TP53I13: variants seen among roughly 807,000 people sequenced by gnomAD.
TP53I13 encodes the protein tumor protein p53 inducible protein 13.
TP53I13 carries 27 observed loss-of-function variants against 39.1 expected under a neutral mutation model. That is an observed-to-expected ratio of 0.69 (90% CI 0.51 to 0.95). The LOEUF is 0.95. TP53I13 is among the 40% of genes least tolerant of loss of function. The pLI, the probability that TP53I13 is intolerant of heterozygous loss-of-function variation, is 0.00. For missense variants in TP53I13, 544 were observed against 520.4 expected (o/e 1.05, Z -0.44); for synonymous variants, 230 against 224.6 (o/e 1.02, Z -0.22).
At position 29,572,891 on chromosome 17, in the gene TP53I13, G is replaced by T; in HGVS notation, c.1149G>T (p.Pro383=). ...GGAGACCCCTCCTCCCGCCCACGCC[G>T]GACAGCGGCCCGGAAGGCGAGAGCT... is the stretch of plus-strand genomic sequence containing the variant. The part of the protein sequence containing the change: ...SRRRPLLPPT[P]DSGPEGESSE Residue 383 remains proline, a synonymous_variant, in exon 7 of 7, where the codon CCG becomes CCT. Coordinates refer to ENST00000301057, the MANE Select transcript of TP53I13 (RefSeq NM_138349.4). The T allele has an allele frequency of 1.3e-6, 2 of 1,513,082 alleles. No homozygotes were observed. Among genetic ancestry groups the T allele is most frequent in the East Asian group, 2.6e-5 (1 of 38,656 alleles). 93.7% of individuals were successfully genotyped at this position (1,513,082 alleles called of 1,614,324 possible). A position where few individuals can be genotyped will look rare whatever the true frequency, so the allele number is the denominator to read the frequency against.
the TP53I13 span, among the ~76,000 whole-genome samples, chr17:29,580,025 G>A: frequency 1.3e-5 from 2 of 152,164 alleles, no homozygotes; most frequent in Non-Finnish European, 2.9e-5. Context: ...GCTCCAGCCC[G>A]GGGGCTGCCT....
At chr17:29,581,608 G>A in the TP53I13 span, 1 of 734,144 alleles carries the variant, frequency 1.4e-6, no homozygotes, top group East Asian at 2.7e-5. The surrounding 1 kb of genome is among the most constrained non-coding windows in gnomAD (Gnocchi z 4.8). Flanking sequence ...TAATTTCACA[G>A]GAGCCAGTTG....
intron 3 of TP53I13, chr17:29,570,541 C>T (rs1336237816): frequency 6.6e-6 from 1 of 152,024 alleles, no homozygotes. Context: ...AGCTCCAGGC[C>T]AAGAGTTGTT....
upstream of TP53I13, chr17:29,566,545 A>G (rs868133076): frequency 1.9e-6 from 3 of 1,609,818 alleles, no homozygotes; most frequent in Admixed American, 5.0e-5. Flanking sequence ...ACAAGGTCCT[A>G]CCACCCAGTC....
Position 29,568,736 on chromosome 17 carries a change from G to T in TP53I13, c.-23G>T. ...TCGCTGGCGGAGCGGCTGGGCGGCG[G>T]GCCGGGCCCGGGGCCGCTTGGAATG... On this transcript the variant is annotated 5_prime_UTR_variant, in exon 1 of 7. Transcript: ENST00000301057. This position sits in a 1 kb window ranked among gnomAD's most constrained non-coding sequence, Gnocchi z 4.5. 1.3e-6 allele frequency: 2 copies of T among 1,496,952 alleles called. No individual in the cohort carries two copies. Among genetic ancestry groups the T allele is most frequent in the Non-Finnish European group, 1.8e-6 (2 of 1,131,464 alleles). The allele number at this position is 1,496,952 out of a possible 1,614,324, so 92.7% of individuals were successfully genotyped here.
chr17:29,574,469 A>C, downstream of TP53I13: 1 of 590,638 alleles, frequency 1.7e-6, no homozygotes, highest in Non-Finnish European at 3.0e-6. Context: ...GAGATGCTAT[A>C]TACAGAGGGG....
Position 29,568,715 on chromosome 17 carries a change from T to TGGCGGAGCGGCTGGGC in TP53I13, c.-38_-23dup. On this transcript the variant is annotated 5_prime_UTR_variant, in exon 1 of 7. Transcript: ENST00000301057. This position sits in a 1 kb window ranked among gnomAD's most constrained non-coding sequence, Gnocchi z 4.5. The stretch of plus-strand genomic sequence containing the variant: ...GGGCGGGGCGCGCGCGCTCCCTCGC[T>TGGCGGAGCGGCTGGGC]GGCGGAGCGGCTGGGCGGCGGGCCG... 7.5e-7 allele frequency: 1 copy of TGGCGGAGCGGCTGGGC among 1,332,608 alleles called. No individual in the cohort carries two copies. The highest frequency in any genetic ancestry group is 9.6e-7 in the Non-Finnish European group (1 of 1,040,234). 82.5% of individuals were successfully genotyped at this position (1,332,608 alleles called of 1,614,324 possible).
rs746266656 is a variant in TP53I13 at position 29,572,855 on chromosome 17, GCGCTCGCGCCGGAGACCCCTCCTCC to G, written c.1117_1141del (p.Ser373ProfsTer85). 4 of 1,523,744 alleles carry G rather than the reference GCGCTCGCGCCGGAGACCCCTCCTCC, an allele frequency of 2.6e-6. No individual in the cohort carries two copies. In the East Asian group the frequency reaches 1.0e-4, roughly 39 times the overall value. The allele number at this position is 1,523,744 out of a possible 1,614,324, so 94.4% of individuals were successfully genotyped here. ...TGCTGCAGCCCTCGCGCCGGGTCAA[GCGCTCGCGCCGGAGACCCCTCCTCC>G]CGCCCACGCCGGACAGCGGCCCGGA... On this transcript the variant is annotated frameshift_variant, in exon 7 of 7. Transcript: ENST00000301057. LOFTEE classifies it high-confidence loss of function.
chr17:29,579,029 AGGC>A, the TP53I13 span: 1 of 1,603,482 alleles, frequency 6.2e-7, no homozygotes, highest in South Asian at 1.1e-5. Flanking sequence ...AACAGGACAG[AGGC>A]GGCAGTTACC....
chr17:29,577,839 G>A (rs993476865), downstream of TP53I13: 19 of 753,606 alleles, frequency 2.5e-5, no homozygotes, highest in Admixed American at 1.2e-4. Flanking sequence ...CTGCCCCCAC[G>A]CCTACTGAGC....
At chr17:29,580,785 T>C in the TP53I13 span, among the ~76,000 whole-genome samples, 15 of 151,874 alleles carry the variant, frequency 9.9e-5, no homozygotes, top group African/African-American at 2.7e-4. Flanking sequence ...TCTTTTTTTT[T>C]TTTTTGAGAC....
At chr17:29,569,415 C>T in intron 3 of TP53I13, 56 bp downstream of exon 3, 7 of 1,561,884 alleles carry the variant, frequency 4.5e-6, no homozygotes, top group Admixed American at 1.8e-5. Context: ...GACAGGCGCT[C>T]CTAGCAGGCT....
the TP53I13 span, chr17:29,578,916 G>A: frequency 3.2e-5 from 52 of 1,603,012 alleles, no homozygotes; most frequent in South Asian, 4.4e-5. Context: ...ATGCCTCCCC[G>A]CCCTACCCCA....
upstream of TP53I13, chr17:29,567,101 C>G (rs1403003959): frequency 9.4e-5 from 68 of 721,644 alleles, no homozygotes; most frequent in Admixed American, 3.1e-3. The surrounding 1 kb of genome is among the most constrained non-coding windows in gnomAD (Gnocchi z 6.6). Context: ...CTGGATTGGC[C>G]GTGGCCGGGC....
At chr17:29,581,948 C>T in the TP53I13 span, 17 of 1,610,546 alleles carry the variant, frequency 1.1e-5, no homozygotes, top group Middle Eastern at 3.3e-4. The surrounding 1 kb of genome is among the most constrained non-coding windows in gnomAD (Gnocchi z 4.8). Context: ...AATGGGTGTG[C>T]GGCCATTAAC....
chr17:29,576,377 C>T, downstream of TP53I13: 1 of 1,613,522 alleles, frequency 6.2e-7, no homozygotes, highest in South Asian at 1.1e-5. Context: ...CGCCCGTTCA[C>T]TGGGGAGTGG....
At chr17:29,577,578 C>T, downstream of TP53I13, 1 of 1,047,874 alleles carries the variant, frequency 9.5e-7, no homozygotes, top group Non-Finnish European at 1.5e-6. Flanking sequence ...CCCCAGCCCA[C>T]TGCCGGATGA....
Position 29,572,513 on chromosome 17 carries a change from G to A in TP53I13, c.885G>A (p.Ala295=). The A allele has an allele frequency of 1.9e-6, 3 of 1,606,770 alleles. No homozygotes were observed. The highest frequency in any genetic ancestry group is 2.5e-6 in the Non-Finnish European group (3 of 1,176,902). ...SQASPAPRAA[A]PPRAARGPTP... is the part of the protein sequence containing the mutation. ...CTTCCCCGGCCCCTCGCGCAGCAGCGCCTCCACGGGCAGCCCGGGGCCCCA... is the reference window on the plus strand; with the variant it reads ...CTTCCCCGGCCCCTCGCGCAGCAGCACCTCCACGGGCAGCCCGGGGCCCCA... Residue 295 remains alanine (A), a synonymous_variant, in exon 6 of 7, where the codon GCG becomes GCA. Transcript: ENST00000301057.
At position 29,571,867 on chromosome 17, in the gene TP53I13, T is replaced by G. The variant is rs1239626571; in HGVS notation, c.323T>G (p.Leu108Arg). ...TACCTCCTCTCGTAGCCCCTGGTGC[T>G]GACTGCATGGGGGCTGGCGCTGGAG... ...FSLTQDRPLV[L>R]TAWGLALEMA... The change falls in exon 5 of 7, where the codon CTG (leucine) becomes CGG (arginine). Residue 108 changes from leucine to arginine, a missense_variant. Physicochemically the swap from Leu to Arg is moderately radical, Grantham distance 102 (BLOSUM62 -2). Coordinates refer to ENST00000301057, the MANE Select transcript of TP53I13 (RefSeq NM_138349.4). 1 of 1,613,256 alleles carries G rather than the reference T, an allele frequency of 6.2e-7. No individual in the cohort carries two copies. Among genetic ancestry groups the G allele is most frequent in the East Asian group, 2.2e-5 (1 of 44,878 alleles).
Sources: gnomAD v4.1 joint callset for allele counts (sites outside exome capture counted in the v4.1 genomes callset) on GRCh38, gnomAD v4.1.1 for gene constraint, Gnocchi (gnomAD v3.1) non-coding constraint, MANE v1.5 for transcripts, NCBI Gene and HGNC (gene_info 2026-07-23, HGNC 2026-07-21) for gene names.